The following PPM1G variants were observed in gnomAD, a reference collection of about 807,000 sequenced individuals.
The protein encoded by PPM1G is protein phosphatase, Mg2+/Mn2+ dependent 1G, also known as protein phosphatase 1G.
A neutral mutation model predicts 59.4 loss-of-function variants in PPM1G; 12 were observed. The observed-to-expected ratio is 0.20, with a 90% CI of 0.13 to 0.33. The LOEUF is 0.33. Among genes scored for constraint, PPM1G ranks in the 10% least tolerant of loss-of-function variants. The pLI is 1.00. For synonymous variants in PPM1G, 245 were observed against 251.9 expected, an observed-to-expected ratio of 0.97 and a Z score of 0.26; for missense variants, 392 against 681.3, an observed-to-expected ratio of 0.58 and a Z score of 4.73.
rs1683717253 is a variant in PPM1G, at chr2:27,384,594, G to GA, written c.825+78dup. ...ATGATGTCAAAATAGGAGAAGGAAA[G>GA]AGAGTTGAAAACTACAGACGGCAAC... On this transcript the variant is annotated intron_variant, in intron 5 of 9. Transcript: ENST00000344034. The surrounding 1 kb of genome is among the most constrained non-coding windows in gnomAD (Gnocchi z 4.8). 11 of 1,474,134 alleles carry GA rather than the reference G, an allele frequency of 7.5e-6. 1 individual carries two copies. In the Admixed American group the frequency reaches 2.4e-4, roughly 32 times the overall value. 91.3% of individuals were successfully genotyped at this position (1,474,134 alleles called of 1,614,324 possible).
At chr2:27,407,849 A>C (rs1040030771) in intron 1 of PPM1G, among the ~76,000 whole-genome samples, 3 of 152,078 alleles carry the variant, frequency 2.0e-5, no homozygotes, top group African/African-American at 7.2e-5. Context: ...GGAGTTCAAC[A>C]CCAGCCTGAC....
chr2:27,385,753 C>T lies in PPM1G; in HGVS notation c.403G>A (p.Asp135Asn). The T allele has an allele frequency of 6.2e-7, 1 of 1,612,276 alleles. No homozygotes were observed. The highest frequency in any genetic ancestry group is 8.5e-7 in the Non-Finnish European group (1 of 1,179,520). The change falls in exon 4 of 10, where the codon GAT becomes AAT. Residue 135 changes from aspartate to asparagine, a missense_variant. Asp to Asn is a conservative substitution (Grantham distance 23). Transcript: ENST00000344034. The surrounding 1 kb of genome is among the most constrained non-coding windows in gnomAD (Gnocchi z 4.1). ...EDEKEKVADE[D>N]DVDNEEAALL... ...CAAGGGATGCCACACTCACCATCAT[C>T]TTCATCAGCTACTTTTTCTTTTTCA...
In PPM1G at chr2:27,385,592, T is replaced by A. The variant is rs72819511; in HGVS notation, c.409+155A>T. On this transcript the variant is annotated intron_variant, in intron 4 of 9. Coordinates refer to ENST00000344034, the MANE Select transcript of PPM1G (RefSeq NM_177983.3). The surrounding 1 kb of genome is among the most constrained non-coding windows in gnomAD (Gnocchi z 4.1). ...AAGATAATTCTCTCCCTCCTTTTCA[T>A]AACCACATACAATGCAGGAGAACAT... is the stretch of plus-strand genomic sequence containing the variant. 9,767 of 936,072 alleles carry A rather than the reference T, an allele frequency of 0.01. 70 individuals carry two copies. The highest frequency in any genetic ancestry group is 0.017 in the Middle Eastern group (58 of 3,400). 58.0% of individuals were successfully genotyped at this position (936,072 alleles called of 1,614,324 possible).
chr2:27,388,587 C>T (rs114439706), intron 1 of PPM1G, among the ~76,000 whole-genome samples: 2,720 of 152,048 alleles, frequency 0.018, 40 homozygotes, highest in Middle Eastern at 0.048. Flanking sequence ...AAAGTATCTA[C>T]ATGTGAGGAC....
chr2:27,385,889 A>C lies in PPM1G; in HGVS notation c.277-10T>G. 6.2e-7 allele frequency: 1 copy of C among 1,609,584 alleles called. No homozygotes were observed. Among genetic ancestry groups the C allele is most frequent in the East Asian group, 2.2e-5 (1 of 44,866 alleles). ...AGGCATCTTCTAAAGCCTGAATATA[A>C]GCAAAATAGTCTAAGACTAGTACAA... On this transcript the variant is annotated splice_polypyrimidine_tract_variant and intron_variant, in intron 3 of 9. Coordinates refer to ENST00000344034, the MANE Select transcript of PPM1G (RefSeq NM_177983.3). The surrounding 1 kb of genome is among the most constrained non-coding windows in gnomAD (Gnocchi z 4.1).
intron 1 of PPM1G, among the ~76,000 whole-genome samples, chr2:27,394,892 C>T (rs1385505284): frequency 6.6e-6 from 1 of 151,954 alleles, no homozygotes; most frequent in Non-Finnish European, 1.5e-5. Context: ...CCACCCACCT[C>T]ACTACCTCAT....
intron 1 of PPM1G, among the ~76,000 whole-genome samples, chr2:27,408,764 T>C (rs1663438798): frequency 6.6e-6 from 1 of 152,178 alleles, no homozygotes; most frequent in Admixed American, 6.6e-5. Flanking sequence ...GTCCAGCCTC[T>C]GAAATTAACA....
In PPM1G at chr2:27,409,514, G is replaced by A. The variant is rs1191592131; in HGVS notation, c.-92C>T. On this transcript the variant is annotated 5_prime_UTR_variant, in exon 1 of 10. Coordinates refer to ENST00000344034, the MANE Select transcript of PPM1G (RefSeq NM_177983.3). Reference sequence around the variant, plus strand: ...CCGGGGGTGCGCGCGGCAGGAGCAGGCCCCGCGGCGCGACCGACGCAAGGT... The same window carrying A: ...CCGGGGGTGCGCGCGGCAGGAGCAGACCCCGCGGCGCGACCGACGCAAGGT... 2 of 1,331,062 alleles carry A rather than the reference G, an allele frequency of 1.5e-6. No homozygotes were observed. Among genetic ancestry groups the A allele is most frequent in the East Asian group, 3.2e-5 (1 of 31,598 alleles). 82.5% of individuals were successfully genotyped at this position (1,331,062 alleles called of 1,614,324 possible).
At chr2:27,391,518 G>A (rs1162315470) in intron 1 of PPM1G, among the ~76,000 whole-genome samples, 1 of 152,072 alleles carries the variant, frequency 6.6e-6, no homozygotes, top group Non-Finnish European at 1.5e-5. Flanking sequence ...ACTTTTTAAG[G>A]GGGTTATTTG....
intron 1 of PPM1G, among the ~76,000 whole-genome samples, chr2:27,394,603 C>T (rs1001926319): frequency 3.3e-5 from 5 of 151,832 alleles, no homozygotes; most frequent in South Asian, 2.1e-4. Context: ...TGGTGGCACG[C>T]GCCTGTAGTC....
intron 1 of PPM1G, among the ~76,000 whole-genome samples, chr2:27,407,866 G>T (rs1419195823): frequency 1.3e-5 from 2 of 152,060 alleles, no homozygotes; most frequent in African/African-American, 4.8e-5. Context: ...TGACCCACAT[G>T]AAGAAACCCT....
chr2:27,384,614 G>A lies in PPM1G; in HGVS notation c.825+59C>T, dbSNP rs1343180539. 7 of 1,527,466 alleles carry A rather than the reference G, an allele frequency of 4.6e-6. No homozygotes were observed. The highest frequency in any genetic ancestry group is 1.4e-5 in the African/African-American group (1 of 72,232). The allele number at this position is 1,527,466 out of a possible 1,614,324, so 94.6% of individuals were successfully genotyped here. A position where few individuals can be genotyped will look rare whatever the true frequency, so the allele number is the denominator to read the frequency against. On this transcript the variant is annotated intron_variant, in intron 5 of 9. Transcript: ENST00000344034. The surrounding 1 kb of genome is among the most constrained non-coding windows in gnomAD (Gnocchi z 4.8). Reference sequence around the variant, plus strand: ...GGAAAGAGAGTTGAAAACTACAGACGGCAACCAAACAGGACCTCTCTGCAA... The same window carrying A: ...GGAAAGAGAGTTGAAAACTACAGACAGCAACCAAACAGGACCTCTCTGCAA...
chr2:27,406,790 CAGAGA>C (rs1191598563), intron 1 of PPM1G, among the ~76,000 whole-genome samples: 8 of 151,926 alleles, frequency 5.3e-5, no homozygotes, highest in Non-Finnish European at 1.2e-4. Flanking sequence ...AAAACAACAG[CAGAGA>C]AGTGAAAAAT....
intron 1 of PPM1G, among the ~76,000 whole-genome samples, chr2:27,403,215 G>A (rs559192923): frequency 2.0e-5 from 3 of 152,034 alleles, no homozygotes; most frequent in South Asian, 4.2e-4. Context: ...AGGCTGAGGC[G>A]GGCAGATCAC....
chr2:27,407,518 C>T (rs950225205), intron 1 of PPM1G, among the ~76,000 whole-genome samples: 5 of 152,140 alleles, frequency 3.3e-5, no homozygotes, highest in Admixed American at 1.3e-4. Flanking sequence ...CTGCCTGCCT[C>T]GGCCTCCCAA....
intron 1 of PPM1G, among the ~76,000 whole-genome samples, chr2:27,405,276 T>A (rs1663327366): frequency 6.6e-6 from 1 of 151,942 alleles, no homozygotes; most frequent in Non-Finnish European, 1.5e-5. Context: ...TTTCACCATA[T>A]TGGCCAGAAT....
At chr2:27,388,277 T>C (rs924997019) in intron 1 of PPM1G, among the ~76,000 whole-genome samples, 1 of 150,578 alleles carries the variant, frequency 6.6e-6, no homozygotes, top group Non-Finnish European at 1.5e-5. Context: ...GGCGTGGTGG[T>C]GTGCGCCCGT....
intron 1 of PPM1G, among the ~76,000 whole-genome samples, chr2:27,408,752 G>T (rs1188503748): frequency 6.6e-6 from 1 of 152,122 alleles, no homozygotes; most frequent in Non-Finnish European, 1.5e-5. Flanking sequence ...CCTGGAGGTC[G>T]GGTCCAGCCT....
At chr2:27,386,427 T>G in intron 2 of PPM1G, 148 bp from the exon 3 acceptor site, 1 of 534,798 alleles carries the variant, frequency 1.9e-6, no homozygotes, top group Non-Finnish European at 3.3e-6. Context: ...AGGACACTGT[T>G]TGGGGAAGTT....
Sources: gnomAD v4.1 joint callset for allele counts (sites outside exome capture counted in the v4.1 genomes callset) on GRCh38, gnomAD v4.1.1 for gene constraint, Gnocchi (gnomAD v3.1) non-coding constraint, MANE v1.5 for transcripts, NCBI Gene and HGNC (gene_info 2026-07-23, HGNC 2026-07-21) for gene names.